Variants in ZNF776 observed in about 807,000 individuals in gnomAD.
The protein encoded by ZNF776 is zinc finger protein 776.
A neutral mutation model predicts 7.0 loss-of-function variants in ZNF776; 4 were observed. That is an observed-to-expected ratio of 0.57 (90% CI 0.28 to 1.31). The LOEUF is 1.31. ZNF776 is among the 50% of genes most tolerant of loss of function. ZNF776 has a pLI of 0.10. For missense variants in ZNF776, 555 were observed against 625.9 expected, an observed-to-expected ratio of 0.89 and a Z score of 1.21; for synonymous variants, 212 against 213.7, an observed-to-expected ratio of 0.99 and a Z score of 0.07.
chr19:57,752,038 A>G (rs1472415093), intron 2 of ZNF776, among the ~76,000 whole-genome samples: 1 of 151,344 alleles, frequency 6.6e-6, no homozygotes, highest in African/African-American at 2.4e-5. Context: ...CACCTGGCTA[A>G]TTTTTTTGTA....
At chr19:57,747,302 G>T (rs1986465631) in intron 1 of ZNF776, among the ~76,000 whole-genome samples, 1 of 152,166 alleles carries the variant, frequency 6.6e-6, no homozygotes, top group African/African-American at 2.4e-5. Flanking sequence ...GCCTGGAGAT[G>T]AACTGAGCCG....
chr19:57,748,625 G>A (rs1438099158), intron 1 of ZNF776, among the ~76,000 whole-genome samples: 4 of 152,184 alleles, frequency 2.6e-5, no homozygotes, highest in Admixed American at 1.3e-4. Flanking sequence ...GACTGCATCT[G>A]TTGCTTGGGT....
rs931330522 is a variant in ZNF776, at chr19:57,754,874, A to G, written c.*187A>G. 1.5e-5 allele frequency: 9 copies of G among 613,082 alleles called. No individual in the cohort carries two copies. The highest frequency in any genetic ancestry group is 6.3e-5 in the South Asian group (3 of 47,906). 38.0% of individuals were successfully genotyped at this position (613,082 alleles called of 1,614,324 possible). A position where few individuals can be genotyped will look rare whatever the true frequency, so the allele number is the denominator to read the frequency against. ...GTAGAGAATGTATGAAATCCTGTAC[A>G]TAGAAGTTTTGCCTCACCAAATACC... On this transcript the variant is annotated 3_prime_UTR_variant, in exon 3 of 3. Transcript: ENST00000317178.
chr19:57,748,578 C>T (rs10417309), intron 1 of ZNF776, among the ~76,000 whole-genome samples: 13,927 of 152,082 alleles, frequency 0.092, 1,451 homozygotes, highest in African/African-American at 0.26. Context: ...GGTGGTAAAT[C>T]TTTTAGGGGA....
chr19:57,754,188 G>T lies in ZNF776; in HGVS notation c.1058G>T (p.Cys353Phe). The part of the protein sequence containing the change: ...TGERPYQCGE[C>F]GKSFNHKCNL... ...GAAAGACCTTATCAGTGTGGAGAAT[G>T]TGGGAAATCGTTTAATCACAAGTGC... The change falls in exon 3 of 3, where the codon TGT becomes TTT. Residue 353 changes from cysteine (C) to phenylalanine (F), a missense_variant. Cys to Phe is a radical substitution (Grantham distance 205, BLOSUM62 -2). Transcript: ENST00000317178. 2 of 1,614,168 alleles carry T rather than the reference G, an allele frequency of 1.2e-6. No homozygotes were observed.
chr19:57,754,004 T>A lies in ZNF776; in HGVS notation c.874T>A (p.Tyr292Asn). 1 of 1,614,132 alleles carries A rather than the reference T, an allele frequency of 6.2e-7. No individual in the cohort carries two copies. ...GAGAGTTCACACTGGAGAAAGACCT[T>A]ATGAGTGTGGAGAATGTGATAAATC... ...HQRVHTGERPYECGECDKSFS... is the reference protein window; with the variant it reads ...HQRVHTGERPNECGECDKSFS... The change falls in exon 3 of 3, where the codon TAT becomes AAT. Residue 292 changes from tyrosine to asparagine, a missense_variant. Tyr to Asn is a moderately radical substitution (Grantham distance 143). Transcript: ENST00000317178.
intron 1 of ZNF776, among the ~76,000 whole-genome samples, chr19:57,750,536 CA>C: frequency 6.6e-6 from 1 of 152,212 alleles, no homozygotes; most frequent in African/African-American, 2.4e-5. Flanking sequence ...TCATCTCTAC[CA>C]GGGGCATTGG....
intron 2 of ZNF776, among the ~76,000 whole-genome samples, chr19:57,751,684 T>G (rs1986606057): frequency 6.9e-6 from 1 of 145,844 alleles, no homozygotes; most frequent in Non-Finnish European, 1.5e-5. Flanking sequence ...GCTTTTTTGT[T>G]TTTTTTTTTT....
rs999027002 is a variant in ZNF776 at position 57,746,843 on chromosome 19, A to G, written c.-216A>G. Reference sequence around the variant, plus strand: ...GGCCATTTTGATTGGTGTTGGGTGTATTTTCCAGTGAGAGACCGCGGAGTG... The same window carrying G: ...GGCCATTTTGATTGGTGTTGGGTGTGTTTTCCAGTGAGAGACCGCGGAGTG... On this transcript the variant is annotated 5_prime_UTR_variant, in exon 1 of 3. Transcript: ENST00000317178. 7 of 450,794 alleles carry G rather than the reference A, an allele frequency of 1.6e-5. No homozygotes were observed. Among genetic ancestry groups the G allele is most frequent in the Admixed American group, 1.5e-4 (4 of 26,374 alleles). The allele number at this position is 450,794 out of a possible 1,614,324, so 27.9% of individuals were successfully genotyped here.
At chr19:57,749,748 A>G (rs1986546512) in intron 1 of ZNF776, among the ~76,000 whole-genome samples, 1 of 152,184 alleles carries the variant, frequency 6.6e-6, no homozygotes, top group African/African-American at 2.4e-5. Context: ...CCTTACCCAC[A>G]GTGTTATTCA....
At chr19:57,751,863 G>GTTTTTTTTT (rs1256893730) in intron 2 of ZNF776, among the ~76,000 whole-genome samples, 1 of 63,362 alleles carries the variant, frequency 1.6e-5, no homozygotes, top group African/African-American at 7.0e-5. Context: ...TGTATTTTTG[G>GTTTTTTTTT]TTTTGTTTTT....
At chr19:57,750,956 C>T in intron 2 of ZNF776, 45 bp downstream of exon 2, 2 of 1,552,766 alleles carry the variant, frequency 1.3e-6, no homozygotes, top group Non-Finnish European at 1.7e-6. Flanking sequence ...TATTGTCTGT[C>T]TGTCCCCATC....
intron 1 of ZNF776, among the ~76,000 whole-genome samples, chr19:57,748,902 T>G (rs1335905954): frequency 1.3e-5 from 2 of 152,036 alleles, no homozygotes; most frequent in Non-Finnish European, 2.9e-5. Flanking sequence ...CTGAATATGC[T>G]CAGGGAGAAA....
chr19:57,755,158 G>T lies in ZNF776; in HGVS notation c.*471G>T, dbSNP rs931323911. 3 of 163,716 alleles carry T rather than the reference G, an allele frequency of 1.8e-5. No individual in the cohort carries two copies. The highest frequency in any genetic ancestry group is 2.7e-5 in the Non-Finnish European group (2 of 74,794). 10.1% of individuals were successfully genotyped at this position (163,716 alleles called of 1,614,324 possible). A position where few individuals can be genotyped will look rare whatever the true frequency, so the allele number is the denominator to read the frequency against. On this transcript the variant is annotated 3_prime_UTR_variant, in exon 3 of 3. Coordinates refer to ENST00000317178, the MANE Select transcript of ZNF776 (RefSeq NM_173632.4). ...CCGTACAGCTCTGCGCTCCATGTTC[G>T]TAAGAGTTCACACTGGACAAAGCCT...
In ZNF776 at chr19:57,756,566, CA is replaced by C. The variant is rs1456030100; in HGVS notation, c.*1882del. On this transcript the variant is annotated 3_prime_UTR_variant, in exon 3 of 3. Transcript: ENST00000317178. Reference sequence around the variant, plus strand: ...AGTTTGGATGGCTGCCTAAGGCCTCCAAATAAAGACTTCAGGGCTTTGTGAT... The same window carrying C: ...AGTTTGGATGGCTGCCTAAGGCCTCCAATAAAGACTTCAGGGCTTTGTGAT... 1 of 164,456 alleles carries C rather than the reference CA, an allele frequency of 6.1e-6. No individual in the cohort carries two copies. Among genetic ancestry groups the C allele is most frequent in the Non-Finnish European group, 1.3e-5 (1 of 75,562 alleles). 10.2% of individuals were successfully genotyped at this position (164,456 alleles called of 1,614,324 possible). A position where few individuals can be genotyped will look rare whatever the true frequency, so the allele number is the denominator to read the frequency against.
chr19:57,753,298 G>A lies in ZNF776; in HGVS notation c.168G>A (p.Trp56Ter), dbSNP rs746144561. Residue 56 changes from tryptophan (W) to a stop codon, truncating the protein, a stop_gained, in exon 3 of 3, where the codon TGG becomes TGA. Coordinates refer to ENST00000317178, the MANE Select transcript of ZNF776 (RefSeq NM_173632.4). LOFTEE classifies it low-confidence loss of function (END_TRUNC). ...NLTLISSLGC[W>*]YGAKDETPSK... ...GCATTTTATTTCTTTTAGGTTGTTG[G>A]TATGGAGCAAAAGACGAGACACCTT... 3.7e-6 allele frequency: 6 copies of A among 1,606,496 alleles called. No homozygotes were observed. The African/African-American group carries it at 8.0e-5, about 22-fold the overall frequency.
intron 2 of ZNF776, among the ~76,000 whole-genome samples, 175 bp downstream of exon 2, chr19:57,751,086 C>CT (rs11419013): frequency 0.66 from 100,853 of 151,946 alleles, 34,873 homozygotes; most frequent in African/African-American, 0.86. Context: ...ACTGCCCTCT[C>CT]TCTCCTTGAG....
At chr19:57,751,184 G>T (rs1487392542) in intron 2 of ZNF776, among the ~76,000 whole-genome samples, 2 of 152,148 alleles carry the variant, frequency 1.3e-5, no homozygotes, top group African/African-American at 4.8e-5. Context: ...CCCTCTGGCT[G>T]TTGAGTAATT....
rs1214046634 is a variant in ZNF776, at chr19:57,754,950, T to C, written c.*263T>C. On this transcript the variant is annotated 3_prime_UTR_variant, in exon 3 of 3. Transcript: ENST00000317178. The stretch of plus-strand genomic sequence containing the variant: ...CTATAGTTATGGGGAATTTGGGAAA[T>C]TACCTAACAAGAAGTCCCACCTCAC... 14 of 479,918 alleles carry C rather than the reference T, an allele frequency of 2.9e-5. 1 individual carries two copies. Among genetic ancestry groups the C allele is most frequent in the East Asian group, 1.8e-4 (5 of 27,436 alleles). 29.7% of individuals were successfully genotyped at this position (479,918 alleles called of 1,614,324 possible).
Sources: allele counts gnomAD v4.1 joint callset (sites outside exome capture counted in the v4.1 genomes callset), GRCh38; gene constraint gnomAD v4.1.1; transcripts MANE v1.5; gene names NCBI Gene and HGNC (gene_info 2026-07-23, HGNC 2026-07-21).